Variants in NEGR1 observed in about 807,000 individuals in gnomAD.
NEGR1 encodes the protein IgLON family member 4.
NEGR1 carries 10 observed loss-of-function variants against 40.9 expected under a neutral mutation model. The observed-to-expected ratio is 0.24, with a 90% confidence interval of 0.15 to 0.42. The LOEUF (loss-of-function observed/expected upper bound fraction) is 0.42, where lower values mean the gene tolerates loss of function less well. Among genes scored for constraint, NEGR1 ranks in the 10% least tolerant of loss-of-function variants. The pLI, the probability that NEGR1 is intolerant of heterozygous loss-of-function variation, is 1.00. For synonymous variants in NEGR1, 185 were observed against 166.8 expected (o/e 1.11, Z -0.84); for missense variants, 352 against 438.9 (o/e 0.80, Z 1.77).
intron 6 of NEGR1, among the ~76,000 whole-genome samples, chr1:71,500,089 GTTTC>G (rs1373571828): frequency 6.6e-6 from 1 of 152,016 alleles, no homozygotes; most frequent in East Asian, 1.9e-4. Flanking sequence ...AGTTTGTACA[GTTTC>G]TTTATGATCT....
intron 3 of NEGR1, among the ~76,000 whole-genome samples, chr1:71,758,684 A>G (rs1424546558): frequency 6.6e-5 from 10 of 152,306 alleles, no homozygotes; most frequent in Non-Finnish European, 1.2e-4. Flanking sequence ...ACTCTATTAC[A>G]CCAGAGGTCA....
intron 2 of NEGR1, among the ~76,000 whole-genome samples, chr1:71,903,438 A>T (rs1377485292): frequency 6.6e-6 from 1 of 151,988 alleles, no homozygotes; most frequent in African/African-American, 2.4e-5. Context: ...TTGACAAAAG[A>T]GTTGTATGTA....
intron 2 of NEGR1, among the ~76,000 whole-genome samples, chr1:71,876,383 C>T (rs1258823983): frequency 6.6e-6 from 1 of 151,992 alleles, no homozygotes; most frequent in Middle Eastern, 3.2e-3. Flanking sequence ...GTCATGGTTG[C>T]ACGCTCTGGT....
rs533908104 is a variant in NEGR1, at chr1:72,191,744, T to C, written c.176+90575A>G. On this transcript the variant is annotated intron_variant, in intron 1 of 6. Transcript: ENST00000357731. ...ATTACAAATGAGGCAGCAGGCAACC[T>C]AAAAAGAGCATCACAGGAGAAGGTA... Among the ~76,000 whole-genome samples the C allele has an allele frequency of 4.0e-5, 6 of 151,554 alleles. 1 individual carries two copies. In the East Asian group the frequency reaches 1.2e-3, roughly 30 times the overall value.
chr1:71,513,243 T>C (rs1383044967), intron 6 of NEGR1, among the ~76,000 whole-genome samples: 1 of 152,172 alleles, frequency 6.6e-6, no homozygotes, highest in Non-Finnish European at 1.5e-5. Flanking sequence ...AATATATTTT[T>C]CTACCTGTTT....
At chr1:71,888,582 G>A (rs1484569777) in intron 2 of NEGR1, among the ~76,000 whole-genome samples, 2 of 147,696 alleles carry the variant, frequency 1.4e-5, no homozygotes, top group East Asian at 2.1e-4. Context: ...ACGGAATCTC[G>A]CTGATTGCTA....
intron 2 of NEGR1, among the ~76,000 whole-genome samples, chr1:71,818,764 A>C (rs1328841049): frequency 6.6e-6 from 1 of 152,012 alleles, no homozygotes; most frequent in Non-Finnish European, 1.5e-5. Flanking sequence ...AAATTTTTTT[A>C]ACAATAAAAG....
At chr1:71,735,647 A>G (rs968574016) in intron 3 of NEGR1, among the ~76,000 whole-genome samples, 6 of 152,082 alleles carry the variant, frequency 3.9e-5, no homozygotes, top group African/African-American at 1.4e-4. Context: ...ACACACACAT[A>G]TATACACACA....
intron 2 of NEGR1, among the ~76,000 whole-genome samples, chr1:71,820,610 C>G (rs76529862): frequency 0.063 from 9,572 of 151,964 alleles, 372 homozygotes; most frequent in South Asian, 0.12. Flanking sequence ...TAGGGTCCAT[C>G]TTATAGAGTA....
rs867136991 is a variant in NEGR1 at position 71,927,851 on chromosome 1, A to G, written c.409+7228T>C. ...AAAAAAAAAAAAAAAAAAAAAAAAA[A>G]GCCAGGCAGAGTGGTGTGCACCTGT... On this transcript the variant is annotated intron_variant, in intron 2 of 6. Transcript: ENST00000357731. Among the ~76,000 whole-genome samples the G allele has an allele frequency of 1.7e-3, 215 of 125,356 alleles. 3 individuals are homozygous for G. The highest frequency in any genetic ancestry group is 6.5e-3 in the African/African-American group (201 of 31,088). The allele number at this position is 125,356 out of a possible 152,430, so 82.2% of individuals were successfully genotyped here.
At chr1:72,269,943 A>G (rs1415498944) in intron 1 of NEGR1, among the ~76,000 whole-genome samples, 1 of 151,852 alleles carries the variant, frequency 6.6e-6, no homozygotes. Context: ...GTTTTTAATC[A>G]CTGTAGACTT....
intron 4 of NEGR1, among the ~76,000 whole-genome samples, chr1:71,629,621 G>T (rs1207985789): frequency 6.6e-6 from 1 of 151,902 alleles, no homozygotes; most frequent in Admixed American, 6.6e-5. Flanking sequence ...GGGCAATCAG[G>T]CTAGAGAAAG....
chr1:71,511,752 C>T (rs1262818610), intron 6 of NEGR1, among the ~76,000 whole-genome samples: 1 of 152,160 alleles, frequency 6.6e-6, no homozygotes, highest in East Asian at 1.9e-4. Flanking sequence ...GTATCAGCAG[C>T]TGTATTTGCA....
At chr1:71,931,306 A>G (rs1645853415) in intron 2 of NEGR1, among the ~76,000 whole-genome samples, 1 of 152,138 alleles carries the variant, frequency 6.6e-6, no homozygotes, top group Non-Finnish European at 1.5e-5. Context: ...TATTTAATAC[A>G]CGCTATCTAT....
chr1:71,806,096 A>T (rs995462591), intron 2 of NEGR1, among the ~76,000 whole-genome samples: 3 of 152,184 alleles, frequency 2.0e-5, no homozygotes, highest in African/African-American at 4.8e-5. Flanking sequence ...AATACAAAAT[A>T]TTATGAAAAA....
At chr1:72,176,718 G>C (rs1652179123) in intron 1 of NEGR1, among the ~76,000 whole-genome samples, 1 of 152,168 alleles carries the variant, frequency 6.6e-6, no homozygotes, top group Non-Finnish European at 1.5e-5. Flanking sequence ...ATACAAAATG[G>C]AAGGTAGAGT....
intron 1 of NEGR1, among the ~76,000 whole-genome samples, chr1:72,162,618 C>G (rs1384037595): frequency 6.6e-6 from 1 of 152,134 alleles, no homozygotes; most frequent in African/African-American, 2.4e-5. Flanking sequence ...GCAAACACAA[C>G]ATAGCCAAGA....
intron 2 of NEGR1, among the ~76,000 whole-genome samples, chr1:71,833,794 A>C: frequency 6.6e-6 from 1 of 151,972 alleles, no homozygotes; most frequent in East Asian, 1.9e-4. Flanking sequence ...TTTTGACATT[A>C]TTTTCAGAAC....
At chr1:71,787,998 G>A (rs1656972957) in intron 2 of NEGR1, among the ~76,000 whole-genome samples, 1 of 152,130 alleles carries the variant, frequency 6.6e-6, no homozygotes, top group East Asian at 1.9e-4. Flanking sequence ...GCCTTAGAAA[G>A]GCCTAGAGTC....
Sources: allele counts gnomAD v4.1 joint callset (sites outside exome capture counted in the v4.1 genomes callset), GRCh38; gene constraint gnomAD v4.1.1; transcripts MANE v1.5; gene names NCBI Gene and HGNC (gene_info 2026-07-23, HGNC 2026-07-21).